The following PDE3A variants were observed in gnomAD, a reference collection of about 807,000 sequenced individuals.
PDE3A encodes cGMP-inhibited 3',5'-cyclic phosphodiesterase 3A.
A neutral mutation model predicts 98.3 loss-of-function variants in PDE3A; 43 were observed. The ratio of observed to expected loss-of-function variants is 0.44; its 90% CI spans 0.34 to 0.56. PDE3A has a LOEUF of 0.56. Among genes scored for constraint, PDE3A ranks in the 20% least tolerant of loss-of-function variants. PDE3A has a pLI of 0.01. For missense variants in PDE3A, 1,427 were observed against 1,440.7 expected (o/e 0.99, Z 0.15); for synonymous variants, 663 against 567.9 (o/e 1.17, Z -2.38).
intron 1 of PDE3A, among the ~76,000 whole-genome samples, chr12:20,392,593 G>A (rs1289393456): frequency 6.6e-6 from 1 of 151,624 alleles, no homozygotes; most frequent in Non-Finnish European, 1.5e-5. Context: ...CAGTATGGAG[G>A]TTCCTCAAAA....
intron 15 of PDE3A, among the ~76,000 whole-genome samples, chr12:20,675,870 T>G (rs766536601): frequency 3.3e-5 from 5 of 152,202 alleles, no homozygotes; most frequent in Non-Finnish European, 7.3e-5. Flanking sequence ...CTAGTCTGTA[T>G]CTGTGTACAG....
chr12:20,589,723 G>A lies in PDE3A; in HGVS notation c.1012-23720G>A, dbSNP rs1427316204. Among the ~76,000 whole-genome samples, 7 of 151,962 alleles carry A rather than the reference G, an allele frequency of 4.6e-5. No homozygotes were observed. In the East Asian group the frequency reaches 1.2e-3, roughly 25 times the overall value. ...CTCCACTAAAAACACAAAAAAATTA[G>A]CCAGGCATGCTGGCAGGCACCTGTG... On this transcript the variant is annotated intron_variant, in intron 2 of 15. Transcript: ENST00000359062.
intron 15 of PDE3A, among the ~76,000 whole-genome samples, chr12:20,655,357 G>A (rs1434155345): frequency 6.6e-6 from 1 of 152,152 alleles, no homozygotes; most frequent in African/African-American, 2.4e-5. Context: ...AAAGCAACCT[G>A]TGCAAAGGTC....
intron 1 of PDE3A, among the ~76,000 whole-genome samples, chr12:20,452,181 C>T (rs142798802): frequency 6.6e-6 from 1 of 152,170 alleles, no homozygotes; most frequent in Non-Finnish European, 1.5e-5. Flanking sequence ...TAGTTCTCAT[C>T]ATGGTTCATA....
intron 1 of PDE3A, among the ~76,000 whole-genome samples, chr12:20,554,359 TAAAAAAAA>T (rs1370732662): frequency 2.3e-3 from 20 of 8,608 alleles, no homozygotes; most frequent in East Asian, 0.024. Flanking sequence ...TTTTCACAGA[TAAAAAAAA>T]AAAAATAAAA....
At chr12:20,590,015 G>A (rs138145330) in intron 2 of PDE3A, among the ~76,000 whole-genome samples, 1 of 151,988 alleles carries the variant, frequency 6.6e-6, no homozygotes, top group East Asian at 1.9e-4. Context: ...ATGCCACCTT[G>A]TGAGTTGGCA....
rs921529798 is a variant in PDE3A, at chr12:20,524,205, C to T, written c.961-32455C>T. ...CTGATTTAACAAATTCTGATATTAC[C>T]CACTGTGTTTAGGTTTCAGTGACAA... On this transcript the variant is annotated intron_variant, in intron 1 of 15. Coordinates refer to ENST00000359062, the MANE Select transcript of PDE3A (RefSeq NM_000921.5). 9.9e-5 allele frequency among the ~76,000 whole-genome samples: 15 copies of T among 152,262 alleles called. 1 individual carries two copies. The highest frequency in any genetic ancestry group is 3.6e-4 in the African/African-American group (15 of 41,548).
At chr12:20,485,218 C>G (rs940076491) in intron 1 of PDE3A, among the ~76,000 whole-genome samples, 1 of 152,120 alleles carries the variant, frequency 6.6e-6, no homozygotes, top group Admixed American at 6.5e-5. Context: ...TTCTGTGCCT[C>G]TCTCCTAGCT....
intron 2 of PDE3A, among the ~76,000 whole-genome samples, chr12:20,604,845 G>T (rs961318517): frequency 2.0e-5 from 3 of 152,108 alleles, no homozygotes; most frequent in Admixed American, 6.6e-5. Context: ...GGAGTTTCAG[G>T]TTGCCGTTCT....
chr12:20,429,564 A>G (rs942776079), intron 1 of PDE3A, among the ~76,000 whole-genome samples: 11 of 152,194 alleles, frequency 7.2e-5, no homozygotes, highest in Admixed American at 1.3e-4. Context: ...TCTTCACTGA[A>G]CTAACTCTGT....
At chr12:20,427,200 A>G (rs1194939106) in intron 1 of PDE3A, among the ~76,000 whole-genome samples, 4 of 152,152 alleles carry the variant, frequency 2.6e-5, no homozygotes, top group African/African-American at 9.7e-5. Context: ...TGAATATTGT[A>G]TTGTGTTGGG....
chr12:20,617,642 G>C (rs528787064), intron 4 of PDE3A, among the ~76,000 whole-genome samples: 1 of 152,194 alleles, frequency 6.6e-6, no homozygotes, highest in East Asian at 1.9e-4. Context: ...TATGTTTTCA[G>C]CATGTATCAT....
chr12:20,552,212 G>A lies in PDE3A; in HGVS notation c.961-4448G>A, dbSNP rs1428648785. ...GAAGGGGCCGAGGCCAAGGACTGGC[G>A]GTCGGGGAAGCCGGTCAGGGTGGTG... On this transcript the variant is annotated intron_variant, in intron 1 of 15. Coordinates refer to ENST00000359062, the MANE Select transcript of PDE3A (RefSeq NM_000921.5). The surrounding 1 kb of genome is among the most constrained non-coding windows in gnomAD (Gnocchi z 5.1). 14 of 1,613,812 alleles carry A rather than the reference G, an allele frequency of 8.7e-6. No homozygotes were observed. The highest frequency in any genetic ancestry group is 2.2e-5 in the East Asian group (1 of 44,870).
At chr12:20,473,046 T>G (rs1275030669) in intron 1 of PDE3A, among the ~76,000 whole-genome samples, 1 of 152,180 alleles carries the variant, frequency 6.6e-6, no homozygotes, top group Non-Finnish European at 1.5e-5. Flanking sequence ...CAATTGATAA[T>G]GAACATTTAA....
chr12:20,656,627 C>G (rs1204094077), intron 15 of PDE3A, among the ~76,000 whole-genome samples: 3 of 152,062 alleles, frequency 2.0e-5, no homozygotes, highest in Admixed American at 6.6e-5. Context: ...ACTTAATAAA[C>G]ATGTATTAGT....
intron 1 of PDE3A, among the ~76,000 whole-genome samples, chr12:20,428,813 G>A (rs750904265): frequency 2.6e-5 from 4 of 152,074 alleles, no homozygotes; most frequent in Non-Finnish European, 5.9e-5. Flanking sequence ...GTATAAATGC[G>A]TACCACTATG....
intron 1 of PDE3A, among the ~76,000 whole-genome samples, 171 bp downstream of exon 1, chr12:20,370,415 T>TG (rs966497570): frequency 2.7e-5 from 4 of 146,990 alleles, no homozygotes; most frequent in Non-Finnish European, 6.1e-5. Context: ...TTTTGTTTTT[T>TG]TTTTTTTGTT....
intron 1 of PDE3A, among the ~76,000 whole-genome samples, chr12:20,491,535 A>G (rs2121047271): frequency 6.6e-6 from 1 of 152,276 alleles, no homozygotes. Context: ...GAAAGCTGCC[A>G]TCTTGGATCC....
At chr12:20,400,415 T>C (rs1430863368) in intron 1 of PDE3A, among the ~76,000 whole-genome samples, 1 of 51,264 alleles carries the variant, frequency 2.0e-5, no homozygotes, top group African/African-American at 5.9e-5. Context: ...TTTTTTTTTT[T>C]TTTTTTTTTG....
Sources: gnomAD v4.1 joint callset for allele counts (sites outside exome capture counted in the v4.1 genomes callset) on GRCh38, gnomAD v4.1.1 for gene constraint, Gnocchi (gnomAD v3.1) non-coding constraint, MANE v1.5 for transcripts, NCBI Gene and HGNC (gene_info 2026-07-23, HGNC 2026-07-21) for gene names.